Variants in COG5 observed in about 807,000 individuals in gnomAD.
COG5 encodes the protein conserved oligomeric Golgi complex subunit 5.
In COG5, 86 loss-of-function variants were observed where a neutral mutation model predicts 110.4. The ratio of observed to expected loss-of-function variants is 0.78; its 90% CI spans 0.65 to 0.93. The LOEUF (loss-of-function observed/expected upper bound fraction) is 0.93. Among genes scored for constraint, COG5 ranks in the 40% least tolerant of loss-of-function variants. COG5 has a pLI of 0.00. For missense variants in COG5, 1,077 were observed against 987.0 expected (o/e 1.09, Z -1.22); for synonymous variants, 360 against 334.6 (o/e 1.08, Z -0.83).
intron 6 of COG5, among the ~76,000 whole-genome samples, chr7:107,446,625 G>C (rs776665781): frequency 6.6e-6 from 1 of 151,670 alleles, no homozygotes; most frequent in Non-Finnish European, 1.5e-5. Context: ...TGCTCTCACT[G>C]TCTCTCTCTC....
At chr7:107,275,889 T>C (rs1804667341) in intron 14 of COG5, among the ~76,000 whole-genome samples, 1 of 152,186 alleles carries the variant, frequency 6.6e-6, no homozygotes, top group Admixed American at 6.5e-5. Flanking sequence ...TCTATACCAT[T>C]TAAATATCAC....
intron 17 of COG5, among the ~76,000 whole-genome samples, chr7:107,247,964 T>C (rs1422104384): frequency 6.6e-6 from 1 of 152,018 alleles, no homozygotes; most frequent in Non-Finnish European, 1.5e-5. Flanking sequence ...AGGCAGGGCA[T>C]TTTACACAAG....
At chr7:107,457,322 G>A (rs1165374059) in intron 6 of COG5, among the ~76,000 whole-genome samples, 1 of 131,230 alleles carries the variant, frequency 7.6e-6, no homozygotes, top group African/African-American at 2.9e-5. Flanking sequence ...ACAGGAACCA[G>A]AGCAACCAAA....
intron 6 of COG5, among the ~76,000 whole-genome samples, chr7:107,510,613 C>A (rs1799427553): frequency 6.6e-6 from 1 of 152,180 alleles, no homozygotes; most frequent in Non-Finnish European, 1.5e-5. Context: ...CAGCACCACA[C>A]CACACCTATT....
rs905092083 is a variant in COG5 at position 107,555,812 on chromosome 7, G to A, written c.235-1470C>T. 2.6e-5 allele frequency among the ~76,000 whole-genome samples: 4 copies of A among 152,166 alleles called. No individual in the cohort carries two copies. In the South Asian group the frequency reaches 8.3e-4, roughly 32 times the overall value. On this transcript the variant is annotated intron_variant, in intron 2 of 21. Transcript: ENST00000297135. ...GGATCATTTGAGGTCAGGAGTTTGAGACCAGCCTGGCCAACATGGTGAAAT... is the reference window on the plus strand; with the variant it reads ...GGATCATTTGAGGTCAGGAGTTTGAAACCAGCCTGGCCAACATGGTGAAAT...
chr7:107,350,362 A>G (rs1812025100), intron 10 of COG5, among the ~76,000 whole-genome samples: 1 of 151,996 alleles, frequency 6.6e-6, no homozygotes, highest in Non-Finnish European at 1.5e-5. Context: ...TATTTCGACA[A>G]CTTGATTTTT....
intron 6 of COG5, among the ~76,000 whole-genome samples, chr7:107,489,464 T>A (rs977563426): frequency 6.6e-6 from 1 of 152,106 alleles, no homozygotes; most frequent in Non-Finnish European, 1.5e-5. Context: ...CTACCCAAAT[T>A]TTACTGAAGT....
intron 6 of COG5, chr7:107,475,108 T>C (rs1465149072): frequency 1.2e-6 from 2 of 1,612,348 alleles, no homozygotes; most frequent in Non-Finnish European, 8.5e-7. Flanking sequence ...AAAATTAAGA[T>C]TGTGTTTTTT....
At chr7:107,308,880 C>A (rs912662498) in intron 11 of COG5, among the ~76,000 whole-genome samples, 1 of 152,038 alleles carries the variant, frequency 6.6e-6, no homozygotes, top group Non-Finnish European at 1.5e-5. Flanking sequence ...GTTTTCTGAG[C>A]CCTTTCAATA....
intron 10 of COG5, among the ~76,000 whole-genome samples, chr7:107,354,195 T>C (rs1263180765): frequency 1.3e-5 from 2 of 152,232 alleles, no homozygotes; most frequent in African/African-American, 2.4e-5. Flanking sequence ...GAGGAAATCC[T>C]TGACATTAGT....
chr7:107,553,121 A>G (rs930038760), intron 3 of COG5, among the ~76,000 whole-genome samples: 4 of 152,154 alleles, frequency 2.6e-5, no homozygotes, highest in Non-Finnish European at 5.9e-5. Flanking sequence ...AGGAGGGAGT[A>G]CCTAACTGTT....
intron 11 of COG5, among the ~76,000 whole-genome samples, chr7:107,304,004 T>A (rs567372083): frequency 4.6e-5 from 7 of 152,148 alleles, no homozygotes; most frequent in Non-Finnish European, 1.0e-4. Context: ...TAAACTCACA[T>A]TAAACAACCT....
At chr7:107,455,917 C>T (rs1795639354) in intron 6 of COG5, among the ~76,000 whole-genome samples, 1 of 152,072 alleles carries the variant, frequency 6.6e-6, no homozygotes, top group Admixed American at 6.6e-5. Context: ...CCTCAGCCTC[C>T]CAAGCAGCTG....
intron 10 of COG5, among the ~76,000 whole-genome samples, chr7:107,356,155 G>T (rs1812608425): frequency 6.6e-6 from 1 of 152,050 alleles, no homozygotes. Context: ...GTAAAATAAA[G>T]GCTTTTTTGG....
chr7:107,552,727 T>C (rs1231447035), intron 3 of COG5, among the ~76,000 whole-genome samples: 2 of 152,136 alleles, frequency 1.3e-5, no homozygotes. Flanking sequence ...CTCAAATAAC[T>C]CAGAACTACC....
intron 12 of COG5, among the ~76,000 whole-genome samples, chr7:107,296,580 TC>T (rs146323397): frequency 5.8e-5 from 7 of 120,848 alleles, no homozygotes; most frequent in Non-Finnish European, 1.0e-4. Flanking sequence ...TCAAAACTAC[TC>T]TTTTTTTTTT....
intron 14 of COG5, among the ~76,000 whole-genome samples, chr7:107,262,398 T>C (rs1803426722): frequency 6.6e-6 from 1 of 152,146 alleles, no homozygotes; most frequent in Non-Finnish European, 1.5e-5. Flanking sequence ...TGGGATCCAG[T>C]GCAACTGTGG....
chr7:107,327,537 C>T (rs952176821), intron 10 of COG5, among the ~76,000 whole-genome samples: 18 of 151,992 alleles, frequency 1.2e-4, no homozygotes, highest in East Asian at 1.9e-4. Flanking sequence ...CATTTGCTAA[C>T]CATATATCTA....
chr7:107,519,975 C>T (rs1487382842), intron 6 of COG5, among the ~76,000 whole-genome samples: 2 of 152,176 alleles, frequency 1.3e-5, no homozygotes, highest in Non-Finnish European at 2.9e-5. Context: ...CCACGGGATG[C>T]AAGGCTGGTT....
Sources: gnomAD v4.1 joint callset for allele counts (sites outside exome capture counted in the v4.1 genomes callset) on GRCh38, gnomAD v4.1.1 for gene constraint, MANE v1.5 for transcripts, NCBI Gene and HGNC (gene_info 2026-07-23, HGNC 2026-07-21) for gene names.